PBX3: variants seen among roughly 807,000 people sequenced by gnomAD.
The protein encoded by PBX3 is PBX homeobox 3, also known as pre-B-cell leukemia transcription factor 3.
In PBX3, 14 loss-of-function variants were observed where a neutral mutation model predicts 48.5. The observed-to-expected ratio is 0.29, with a 90% CI of 0.19 to 0.45. The LOEUF (loss-of-function observed/expected upper bound fraction) is 0.45, where lower values mean the gene tolerates loss of function less well. Among genes scored for constraint, PBX3 ranks in the 20% least tolerant of loss-of-function variants. The probability of loss-of-function intolerance (pLI) is 1.00; values close to 1 mark genes in which losing one functional copy is unlikely to be tolerated. For missense variants in PBX3, 386 were observed against 546.7 expected, an observed-to-expected ratio of 0.71 and a Z score of 2.93; for synonymous variants, 210 against 200.3, an observed-to-expected ratio of 1.05 and a Z score of -0.41.
chr9:125,950,179 T>G (rs558493520), intron 5 of PBX3, among the ~76,000 whole-genome samples: 9 of 152,344 alleles, frequency 5.9e-5, no homozygotes, highest in African/African-American at 2.2e-4. Context: ...CTATGTACTG[T>G]GGCCGCAAGG....
chr9:125,891,863 C>T (rs1840652772), intron 2 of PBX3, among the ~76,000 whole-genome samples: 1 of 152,134 alleles, frequency 6.6e-6, no homozygotes, highest in Non-Finnish European at 1.5e-5. Context: ...TTTAATTTTA[C>T]CCGTATGTAA....
intron 2 of PBX3, among the ~76,000 whole-genome samples, chr9:125,780,250 C>G (rs1428047478): frequency 7.4e-6 from 1 of 134,930 alleles, no homozygotes; most frequent in African/African-American, 2.8e-5. Flanking sequence ...CTGAGCCCCC[C>G]ACCTCCCTCC....
chr9:125,845,494 A>T (rs1839404871), intron 2 of PBX3, among the ~76,000 whole-genome samples: 1 of 152,066 alleles, frequency 6.6e-6, no homozygotes. Flanking sequence ...GCCTCGTGCA[A>T]TCCGTAATTG....
rs550279731 is a variant in PBX3 at position 125,773,671 on chromosome 9, T to A, written c.274+25048T>A. On this transcript the variant is annotated intron_variant, in intron 2 of 8. Coordinates refer to ENST00000373489, the MANE Select transcript of PBX3 (RefSeq NM_006195.6). ...TGTTTCTAGCATAGGTGACCCCAGGTGAGTGGTCGTTTTCCACCTGAGAGA... is the reference window on the plus strand; with the variant it reads ...TGTTTCTAGCATAGGTGACCCCAGGAGAGTGGTCGTTTTCCACCTGAGAGA... 8.9e-4 allele frequency among the ~76,000 whole-genome samples: 136 copies of A among 152,248 alleles called. 1 individual carries two copies. Among genetic ancestry groups the A allele is most frequent in the Non-Finnish European group, 3.2e-4 (22 of 68,004 alleles).
rs1229426534 is a variant in PBX3, at chr9:125,916,268, C to T, written c.516+341C>T. Among the ~76,000 whole-genome samples, 5 of 152,310 alleles carry T rather than the reference C, an allele frequency of 3.3e-5. No individual in the cohort carries two copies. The East Asian group carries it at 9.6e-4, about 29-fold the overall frequency. ...TGTATAATTAACATTTATGCACTAG[C>T]CTTGTTCATAAGCTTTAATCACTTT... is the stretch of plus-strand genomic sequence containing the variant. On this transcript the variant is annotated intron_variant, in intron 3 of 8. Coordinates refer to ENST00000373489, the MANE Select transcript of PBX3 (RefSeq NM_006195.6).
At chr9:125,931,705 T>C (rs1040075987) in intron 4 of PBX3, among the ~76,000 whole-genome samples, 15 of 152,212 alleles carry the variant, frequency 9.9e-5, no homozygotes, top group Non-Finnish European at 1.8e-4. Context: ...ATTGAGCTTA[T>C]ATTCTACTTG....
chr9:125,835,255 C>A (rs1833370180), intron 2 of PBX3, among the ~76,000 whole-genome samples: 1 of 151,928 alleles, frequency 6.6e-6, no homozygotes, highest in South Asian at 2.1e-4. Context: ...TTTGAAATTG[C>A]AGTATTAATA....
intron 2 of PBX3, among the ~76,000 whole-genome samples, chr9:125,885,002 CTT>C (rs1840465559): frequency 6.6e-6 from 1 of 152,062 alleles, no homozygotes; most frequent in East Asian, 1.9e-4. Context: ...TCATTTTTCT[CTT>C]TGAACTTCAG....
intron 2 of PBX3, among the ~76,000 whole-genome samples, chr9:125,809,713 A>G (rs752590658): frequency 1.3e-5 from 2 of 152,216 alleles, no homozygotes; most frequent in African/African-American, 2.4e-5. Flanking sequence ...CTATATTAAA[A>G]TTAAGAATTT....
At chr9:125,900,173 A>G (rs1055359022) in intron 2 of PBX3, among the ~76,000 whole-genome samples, 8 of 150,524 alleles carry the variant, frequency 5.3e-5, no homozygotes, top group Non-Finnish European at 1.2e-4. Flanking sequence ...TTTAATAATG[A>G]TAGGATGGAG....
intron 2 of PBX3, among the ~76,000 whole-genome samples, chr9:125,907,078 C>T (rs1389986761): frequency 2.0e-5 from 3 of 151,916 alleles, no homozygotes; most frequent in Admixed American, 1.3e-4. Flanking sequence ...ATGAGTGTTT[C>T]ATCATCAGCA....
At chr9:125,936,018 A>T (rs1332678660) in intron 5 of PBX3, among the ~76,000 whole-genome samples, 1 of 152,202 alleles carries the variant, frequency 6.6e-6, no homozygotes, top group Non-Finnish European at 1.5e-5. Flanking sequence ...TCTTTGGTGA[A>T]AGCTTTGAGG....
At chr9:125,818,979 G>A (rs1838564750) in intron 2 of PBX3, among the ~76,000 whole-genome samples, 1 of 151,722 alleles carries the variant, frequency 6.6e-6, no homozygotes, top group African/African-American at 2.4e-5. Flanking sequence ...GGGACTAGAG[G>A]TATGCACCAC....
chr9:125,869,857 A>T (rs545976122), intron 2 of PBX3, among the ~76,000 whole-genome samples: 5 of 152,300 alleles, frequency 3.3e-5, no homozygotes, highest in African/African-American at 1.2e-4. Flanking sequence ...GACCATGTAA[A>T]AATTTTTGGT....
intron 2 of PBX3, among the ~76,000 whole-genome samples, chr9:125,818,760 T>A (rs926721677): frequency 6.6e-6 from 1 of 152,126 alleles, no homozygotes; most frequent in Non-Finnish European, 1.5e-5. Context: ...CCCAAAGTGT[T>A]AGGATTACAG....
intron 2 of PBX3, among the ~76,000 whole-genome samples, chr9:125,773,808 GTA>G (rs1224899214): frequency 6.6e-6 from 1 of 152,116 alleles, no homozygotes. Flanking sequence ...ATACAGCAGT[GTA>G]TATTTGTTCT....
chr9:125,962,965 G>A (rs767146015), intron 7 of PBX3, 47 bp from the exon 8 acceptor site: 11 of 1,052,828 alleles, frequency 1.0e-5, no homozygotes, highest in Admixed American at 5.5e-5. Context: ...AAGTGATGAC[G>A]TTTTAATAGA....
intron 5 of PBX3, among the ~76,000 whole-genome samples, chr9:125,943,857 T>C (rs1588324350): frequency 6.6e-6 from 1 of 152,194 alleles, no homozygotes; most frequent in East Asian, 1.9e-4. Flanking sequence ...TCAGTAGATC[T>C]CAAGACAGAG....
intron 2 of PBX3, among the ~76,000 whole-genome samples, chr9:125,889,257 T>G (rs1840577395): frequency 6.6e-6 from 1 of 152,194 alleles, no homozygotes; most frequent in Non-Finnish European, 1.5e-5. Context: ...TCCGGGCCTT[T>G]CCCTCTCTGG....
Sources: gnomAD v4.1 joint callset for allele counts (sites outside exome capture counted in the v4.1 genomes callset) on GRCh38, gnomAD v4.1.1 for gene constraint, MANE v1.5 for transcripts, NCBI Gene and HGNC (gene_info 2026-07-23, HGNC 2026-07-21) for gene names.